DNAH8: variants seen among roughly 807,000 people sequenced by gnomAD.
DNAH8 encodes the protein axonemal beta dynein heavy chain 8.
A neutral mutation model predicts 562.1 loss-of-function variants in DNAH8; 382 were observed. The observed-to-expected ratio is 0.68, with a 90% CI of 0.63 to 0.74. The LOEUF is 0.74. DNAH8 is among the 30% of genes least tolerant of loss of function. DNAH8 has a pLI of 0.00. For missense variants in DNAH8, 5,203 were observed against 5,620.4 expected (o/e 0.93, Z 2.37); for synonymous variants, 1,881 against 1,919.4 (o/e 0.98, Z 0.52).
At chr6:38,884,824 T>A (rs1305204086) in intron 56 of DNAH8, among the ~76,000 whole-genome samples, 5 of 152,234 alleles carry the variant, frequency 3.3e-5, no homozygotes, top group Non-Finnish European at 7.3e-5. Flanking sequence ...GTGGTTCTAG[T>A]TGTGGTCATC....
chr6:38,862,224 C>A, intron 43 of DNAH8, 56 bp from the exon 44 acceptor site: 1 of 1,506,212 alleles, frequency 6.6e-7, no homozygotes, highest in Non-Finnish European at 9.0e-7. Flanking sequence ...TTGCTTGCGC[C>A]ATCCTGTAAC....
At chr6:38,915,495 A>T in intron 68 of DNAH8, 118 bp downstream of exon 68, 1 of 887,132 alleles carries the variant, frequency 1.1e-6, no homozygotes, top group Non-Finnish European at 1.6e-6. Flanking sequence ...ATAATCTCTG[A>T]GTCTGGAAAC....
chr6:38,770,898 A>G (rs1202072489), intron 12 of DNAH8, among the ~76,000 whole-genome samples: 5 of 152,222 alleles, frequency 3.3e-5, no homozygotes, highest in Admixed American at 3.3e-4. Context: ...AATGCCTGAT[A>G]GAAGTCAGTA....
chr6:38,983,217 A>G (rs1764155069), intron 86 of DNAH8, among the ~76,000 whole-genome samples: 2 of 152,224 alleles, frequency 1.3e-5, no homozygotes, highest in South Asian at 4.1e-4. Flanking sequence ...CGAATGAGTT[A>G]GTATTTGTGA....
intron 62 of DNAH8, among the ~76,000 whole-genome samples, chr6:38,903,052 A>G (rs1780179505): frequency 6.6e-6 from 1 of 152,208 alleles, no homozygotes; most frequent in Admixed American, 6.5e-5. Flanking sequence ...AGAATTGCCT[A>G]TGGTATTCAT....
At chr6:39,016,801 GC>G (rs201947881) in intron 91 of DNAH8, among the ~76,000 whole-genome samples, 2 of 152,250 alleles carry the variant, frequency 1.3e-5, no homozygotes, top group East Asian at 3.9e-4. Context: ...TGCTCCACAG[GC>G]CTAAGTGACT....
At position 38,872,692 on chromosome 6, in the gene DNAH8, C is replaced by T; in HGVS notation, c.7147C>T (p.Gln2383Ter). Reference sequence around the variant, plus strand: ...GAATCCAAAAGCCATTACTGCACCTCAGATGTTTGGCAGACTGGACACTGC... The same window carrying T: ...GAATCCAAAAGCCATTACTGCACCTTAGATGTTTGGCAGACTGGACACTGC... ...RMNPKAITAP[Q>*]MFGRLDTATN... The change falls in exon 50 of 93, where the codon CAG becomes TAG. Residue 2383 changes from glutamine to a stop codon, truncating the protein, a stop_gained. Transcript: ENST00000327475. LOFTEE classifies it high-confidence loss of function. 2 of 1,614,060 alleles carry T rather than the reference C, an allele frequency of 1.2e-6. No homozygotes were observed. The highest frequency in any genetic ancestry group is 8.5e-7 in the Non-Finnish European group (1 of 1,179,970).
chr6:38,982,030 C>G (rs895760236), intron 85 of DNAH8, among the ~76,000 whole-genome samples: 2 of 152,152 alleles, frequency 1.3e-5, no homozygotes, highest in Non-Finnish European at 1.5e-5. Flanking sequence ...TATTCAGTCC[C>G]GTAACATGCT....
At chr6:38,756,624 C>T (rs2127601280) in intron 10 of DNAH8, among the ~76,000 whole-genome samples, 1 of 151,604 alleles carries the variant, frequency 6.6e-6, no homozygotes, top group East Asian at 1.9e-4. Flanking sequence ...CACCCATTAA[C>T]TCGTCATTTA....
chr6:38,890,721 A>G lies in DNAH8; in HGVS notation c.8543A>G (p.Asn2848Ser). Residue 2848 changes from asparagine (N) to serine (S), a missense_variant, in exon 58 of 93, where the codon AAT becomes AGT. Asn to Ser is a conservative substitution (Grantham distance 46). Around this residue, in one of 6 missense-constraint regions of DNAH8, gnomAD observed 977 missense variants for 1,061.8 expected, o/e 0.92. Transcript: ENST00000327475. ...CCTCAAATATGTGAGATGATTGTGA[A>G]TTTAGTCTCAGTGGGTAGAGTGCTG... ...FKPQICEMIVNLVSVGRVLWQ... is the reference protein window; with the variant it reads ...FKPQICEMIVSLVSVGRVLWQ... 16 of 1,613,946 alleles carry G rather than the reference A, an allele frequency of 9.9e-6. No homozygotes were observed. Among genetic ancestry groups the G allele is most frequent in the Non-Finnish European group, 1.3e-5 (15 of 1,179,818 alleles).
At chr6:38,723,249 A>G (rs1408992652) in intron 2 of DNAH8, 50 bp downstream of exon 2, 2 of 1,576,010 alleles carry the variant, frequency 1.3e-6, no homozygotes, top group Admixed American at 1.9e-5. Flanking sequence ...CTTATCAAAT[A>G]CGAAATACTT....
intron 82 of DNAH8, among the ~76,000 whole-genome samples, chr6:38,961,655 C>A (rs965877087): frequency 2.6e-5 from 4 of 151,858 alleles, no homozygotes; most frequent in Non-Finnish European, 4.4e-5. Flanking sequence ...AAATTCAACA[C>A]TTATATTTGA....
intron 12 of DNAH8, 44 bp downstream of exon 12, chr6:38,770,603 T>G (rs1480816453): frequency 6.7e-7 from 1 of 1,497,880 alleles, no homozygotes; most frequent in East Asian, 2.3e-5. Context: ...CACCACACCT[T>G]TTTGGTGATT....
intron 67 of DNAH8, among the ~76,000 whole-genome samples, chr6:38,914,786 G>C (rs1781178003): frequency 6.6e-6 from 1 of 152,136 alleles, no homozygotes; most frequent in African/African-American, 2.4e-5. Context: ...TAACATAGGG[G>C]AGGCACTTAA....
chr6:38,873,727 T>TACAC (rs762717515), intron 52 of DNAH8, among the ~76,000 whole-genome samples: 11,063 of 96,110 alleles, frequency 0.12, 509 homozygotes, highest in Non-Finnish European at 0.15. Flanking sequence ...CACATACACC[T>TACAC]ACACACACAC....
At chr6:38,874,092 C>CTTTCTTTA (rs1777745980) in intron 52 of DNAH8, among the ~76,000 whole-genome samples, 1 of 103,712 alleles carries the variant, frequency 9.6e-6, no homozygotes, top group African/African-American at 3.7e-5. Flanking sequence ...TTCTTTCTTT[C>CTTTCTTTA]TTTCTCTTTC....
intron 53 of DNAH8, among the ~76,000 whole-genome samples, chr6:38,880,610 C>G (rs4574632): frequency 0.43 from 65,654 of 151,936 alleles, 15,113 homozygotes; most frequent in East Asian, 0.84. Flanking sequence ...AATAGGCAAC[C>G]AATCTAAATT....
At chr6:38,890,626 T>A in intron 57 of DNAH8, 26 bp from the exon 58 acceptor site, 1 of 1,490,936 alleles carries the variant, frequency 6.7e-7, no homozygotes, top group Non-Finnish European at 9.4e-7. Context: ...GGTAAGCTTA[T>A]ACCTTCAATC....
intron 9 of DNAH8, among the ~76,000 whole-genome samples, chr6:38,753,862 G>T (rs1385485926): frequency 6.6e-6 from 1 of 152,066 alleles, no homozygotes; most frequent in Non-Finnish European, 1.5e-5. Flanking sequence ...AAGGTTTCAA[G>T]CATCACCTTT....
Sources: allele counts gnomAD v4.1 joint callset (sites outside exome capture counted in the v4.1 genomes callset), GRCh38; gene constraint gnomAD v4.1.1; regional missense constraint gnomAD v4.1.1; transcripts MANE v1.5; gene names NCBI Gene and HGNC (gene_info 2026-07-23, HGNC 2026-07-21).